PALM2AKAP2: variants seen among roughly 807,000 people sequenced by gnomAD.
PALM2AKAP2 encodes the protein PALM2 and AKAP2 fusion.
In PALM2AKAP2, 37 loss-of-function variants were observed where a neutral mutation model predicts 71.5. The observed-to-expected ratio is 0.52, with a 90% CI of 0.40 to 0.68. The LOEUF (loss-of-function observed/expected upper bound fraction) is 0.68, where lower values mean the gene tolerates loss of function less well. Among genes scored for constraint, PALM2AKAP2 ranks in the 30% least tolerant of loss-of-function variants. The pLI, the probability that PALM2AKAP2 is intolerant of heterozygous loss-of-function variation, is 0.00. For synonymous variants in PALM2AKAP2, 468 were observed against 478.8 expected, an observed-to-expected ratio of 0.98 and a Z score of 0.29; for missense variants, 1,224 against 1,191.8, an observed-to-expected ratio of 1.03 and a Z score of -0.40.
chr9:110,153,403 C>T (rs1836370856), intron 2 of PALM2AKAP2, among the ~76,000 whole-genome samples: 1 of 152,150 alleles, frequency 6.6e-6, no homozygotes, highest in Non-Finnish European at 1.5e-5. Flanking sequence ...TGTTGCAAGG[C>T]TCAAATGACA....
intron 1 of PALM2AKAP2, among the ~76,000 whole-genome samples, chr9:109,765,731 T>G (rs1240327629): frequency 9.2e-5 from 14 of 152,192 alleles, no homozygotes; most frequent in Admixed American, 9.2e-4. Flanking sequence ...TAGGGCAGTT[T>G]GTAAAAAATG....
At chr9:109,916,750 T>C (rs748386170) in intron 3 of PALM2AKAP2, among the ~76,000 whole-genome samples, 7 of 152,228 alleles carry the variant, frequency 4.6e-5, no homozygotes, top group Admixed American at 2.0e-4. Flanking sequence ...ACAAGCAATC[T>C]GGAGCCAGGC....
chr9:109,763,352 C>T (rs998274836), intron 1 of PALM2AKAP2, among the ~76,000 whole-genome samples: 1 of 152,146 alleles, frequency 6.6e-6, no homozygotes, highest in Non-Finnish European at 1.5e-5. Context: ...GGCTATACTA[C>T]CAGACTGTCG....
chr9:109,800,486 A>G (rs1430825777), intron 1 of PALM2AKAP2, among the ~76,000 whole-genome samples: 1 of 152,142 alleles, frequency 6.6e-6, no homozygotes, highest in Non-Finnish European at 1.5e-5. Flanking sequence ...AACCCATGCA[A>G]ATGACCCCTC....
intron 2 of PALM2AKAP2, among the ~76,000 whole-genome samples, chr9:110,156,026 A>G (rs952710264): frequency 6.6e-5 from 10 of 152,188 alleles, no homozygotes; most frequent in African/African-American, 2.4e-4. Context: ...CATATCTCAA[A>G]ACAACTGGAG....
chr9:110,053,717 A>G (rs260223), intron 1 of PALM2AKAP2, among the ~76,000 whole-genome samples: 25,474 of 151,940 alleles, frequency 0.17, 2,327 homozygotes, highest in Admixed American at 0.2. Flanking sequence ...GAGGTTGGAT[A>G]TGAAGATGAG....
At chr9:109,998,714 C>A (rs1016692124) in intron 6 of PALM2AKAP2, among the ~76,000 whole-genome samples, 2 of 145,624 alleles carry the variant, frequency 1.4e-5, no homozygotes, top group African/African-American at 5.2e-5. Context: ...CTGCAGTAAG[C>A]TATGATTGCA....
chr9:109,672,325 T>A (rs1012789550), intron 1 of PALM2AKAP2, among the ~76,000 whole-genome samples: 1 of 152,200 alleles, frequency 6.6e-6, no homozygotes, highest in African/African-American at 2.4e-5. Context: ...AATGTTGAAT[T>A]TTATCAAAAG....
At chr9:109,860,980 A>C (rs1281114975) in intron 1 of PALM2AKAP2, among the ~76,000 whole-genome samples, 1 of 152,246 alleles carries the variant, frequency 6.6e-6, no homozygotes, top group African/African-American at 2.4e-5. Flanking sequence ...CAACGTTTAC[A>C]ATTTAATATA....
At chr9:109,937,615 A>G (rs761445256) in intron 6 of PALM2AKAP2, among the ~76,000 whole-genome samples, 40 of 152,314 alleles carry the variant, frequency 2.6e-4, no homozygotes, top group Middle Eastern at 3.4e-3. Flanking sequence ...ATATACTCCA[A>G]TCTCATTGTC....
At chr9:110,066,046 C>A (rs1834073040) in intron 1 of PALM2AKAP2, among the ~76,000 whole-genome samples, 1 of 152,194 alleles carries the variant, frequency 6.6e-6, no homozygotes, top group Admixed American at 6.5e-5. Context: ...CAAAAGAGTT[C>A]CCCAGTTCCC....
intron 1 of PALM2AKAP2, among the ~76,000 whole-genome samples, chr9:109,851,625 G>A (rs557709009): frequency 6.6e-6 from 1 of 152,238 alleles, no homozygotes; most frequent in African/African-American, 2.4e-5. Context: ...GCATGATAAA[G>A]ACCAACCTGC....
chr9:109,932,142 G>A, intron 6 of PALM2AKAP2, 114 bp downstream of exon 6: 1 of 1,160,952 alleles, frequency 8.6e-7, no homozygotes, highest in Admixed American at 2.9e-5. Context: ...CTCACCTTCA[G>A]CCCAGCCTCA....
chr9:110,097,991 T>C (rs1834895539), intron 1 of PALM2AKAP2, among the ~76,000 whole-genome samples: 1 of 144,678 alleles, frequency 6.9e-6, no homozygotes, highest in Non-Finnish European at 1.5e-5. Flanking sequence ...AAACCCCGTC[T>C]CCACCCAAAA....
chr9:109,832,368 C>T (rs754883626), intron 1 of PALM2AKAP2, among the ~76,000 whole-genome samples: 64 of 152,308 alleles, frequency 4.2e-4, no homozygotes, highest in Non-Finnish European at 7.5e-4. Context: ...CTGTACCCAC[C>T]TCACAAGGAT....
intron 3 of PALM2AKAP2, among the ~76,000 whole-genome samples, chr9:109,909,763 A>T (rs1327317352): frequency 6.6e-6 from 1 of 152,206 alleles, no homozygotes; most frequent in Non-Finnish European, 1.5e-5. Flanking sequence ...AAAAATGAGT[A>T]GTAATTACCC....
Position 109,961,484 on chromosome 9 carries a change from G to A in PALM2AKAP2, c.496+29456G>A, listed in dbSNP as rs543816068. The stretch of plus-strand genomic sequence containing the variant: ...TTTTCTCAGGGGCGGCATTGCCCAA[G>A]CATGAATTGTTATTGAGTGGCCACT... On this transcript the variant is annotated intron_variant, in intron 6 of 9. Coordinates refer to the PALM2AKAP2 transcript ENST00000302798. Among the ~76,000 whole-genome samples, 136 of 150,514 alleles carry A rather than the reference G, an allele frequency of 9.0e-4. 1 individual carries two copies. The highest frequency in any genetic ancestry group is 3.1e-3 in the African/African-American group (127 of 41,078).
At chr9:110,023,725 C>T (rs1444696857) in intron 7 of PALM2AKAP2, among the ~76,000 whole-genome samples, 3 of 152,140 alleles carry the variant, frequency 2.0e-5, no homozygotes, top group African/African-American at 7.2e-5. Context: ...GGTGTGGTGG[C>T]TCACACCTGT....
intron 3 of PALM2AKAP2, among the ~76,000 whole-genome samples, chr9:109,891,543 A>T (rs904677372): frequency 6.6e-6 from 1 of 152,014 alleles, no homozygotes; most frequent in African/African-American, 2.4e-5. Flanking sequence ...GCTGGAGTGC[A>T]TTGGCAGAAT....
Sources: gnomAD v4.1 joint callset for allele counts (sites outside exome capture counted in the v4.1 genomes callset) on GRCh38, gnomAD v4.1.1 for gene constraint, MANE v1.5 for transcripts, NCBI Gene and HGNC (gene_info 2026-07-23, HGNC 2026-07-21) for gene names.